FAM163A: variants seen among roughly 807,000 people sequenced by gnomAD.
FAM163A encodes protein FAM163A.
A neutral mutation model predicts 12.0 loss-of-function variants in FAM163A; 7 were observed. That is an observed-to-expected ratio of 0.58 (90% CI 0.33 to 1.10). The LOEUF (loss-of-function observed/expected upper bound fraction) is 1.10. FAM163A is among the 50% of genes least tolerant of loss of function. FAM163A has a pLI of 0.03. For missense variants in FAM163A, 202 were observed against 218.6 expected (o/e 0.92, Z 0.48); for synonymous variants, 101 against 91.0 (o/e 1.11, Z -0.62).
chr1:179,749,591 C>T (rs1684979100), intron 1 of FAM163A, among the ~76,000 whole-genome samples: 1 of 152,196 alleles, frequency 6.6e-6, no homozygotes. Flanking sequence ...GTGGCCTACG[C>T]CTATAATCCC....
intron 3 of FAM163A, among the ~76,000 whole-genome samples, chr1:179,812,485 T>C (rs1409469182): frequency 6.6e-6 from 1 of 152,006 alleles, no homozygotes; most frequent in Non-Finnish European, 1.5e-5. Flanking sequence ...AGCCACCTGG[T>C]GTTTTCGAGA....
chr1:179,762,386 C>T (rs561485886), intron 1 of FAM163A, among the ~76,000 whole-genome samples: 2 of 152,206 alleles, frequency 1.3e-5, no homozygotes, highest in South Asian at 2.1e-4. Context: ...AGTCCTGTCA[C>T]GGTTTGGGAG....
chr1:179,745,743 A>G (rs1456855592), intron 1 of FAM163A, among the ~76,000 whole-genome samples: 2 of 152,194 alleles, frequency 1.3e-5, no homozygotes, highest in Non-Finnish European at 2.9e-5. Flanking sequence ...TTTTCGTGTG[A>G]TGAAACTGAG....
intron 1 of FAM163A, among the ~76,000 whole-genome samples, chr1:179,751,289 T>C (rs1322248187): frequency 6.6e-6 from 1 of 151,678 alleles, no homozygotes; most frequent in East Asian, 1.9e-4. Flanking sequence ...TAGAAGAGGG[T>C]GGTCCTGAAA....
At chr1:179,784,859 C>G (rs1690378164) in intron 1 of FAM163A, among the ~76,000 whole-genome samples, 2 of 152,078 alleles carry the variant, frequency 1.3e-5, no homozygotes, top group Non-Finnish European at 2.9e-5. Flanking sequence ...ACTGACTTAA[C>G]AAGTAACTTT....
chr1:179,783,065 G>A (rs1031775974), intron 1 of FAM163A, among the ~76,000 whole-genome samples: 1 of 151,422 alleles, frequency 6.6e-6, no homozygotes, highest in African/African-American at 2.4e-5. Flanking sequence ...AGAGATAGAG[G>A]TTGCAGTGAG....
intron 3 of FAM163A, 125 bp from the exon 4 acceptor site, chr1:179,812,951 C>A: frequency 2.4e-6 from 2 of 840,008 alleles, no homozygotes; most frequent in Non-Finnish European, 3.7e-6. Flanking sequence ...GGGGCCTGGC[C>A]CTCCCGGCAC....
At chr1:179,746,778 T>G (rs1031077947) in intron 1 of FAM163A, among the ~76,000 whole-genome samples, 1 of 152,184 alleles carries the variant, frequency 6.6e-6, no homozygotes, top group African/African-American at 2.4e-5. Flanking sequence ...CCCTTTTGGT[T>G]GCTTGAGAGG....
At chr1:179,799,928 A>G (rs1480927799) in intron 1 of FAM163A, among the ~76,000 whole-genome samples, 2 of 152,230 alleles carry the variant, frequency 1.3e-5, no homozygotes, top group African/African-American at 4.8e-5. Flanking sequence ...AGGATCAGAA[A>G]AGTCTGGGAG....
intron 1 of FAM163A, among the ~76,000 whole-genome samples, chr1:179,793,923 G>A (rs1691892163): frequency 6.6e-6 from 1 of 152,188 alleles, no homozygotes; most frequent in South Asian, 2.1e-4. Context: ...GACATTATTT[G>A]TGTTATTGCT....
At chr1:179,755,656 C>T (rs1211604422) in intron 1 of FAM163A, among the ~76,000 whole-genome samples, 2 of 152,158 alleles carry the variant, frequency 1.3e-5, no homozygotes, top group East Asian at 1.9e-4. Flanking sequence ...AGAATTGATT[C>T]ATGAAAGATT....
chr1:179,738,970 C>A (rs959683730), upstream of FAM163A, among the ~76,000 whole-genome samples: 1 of 152,116 alleles, frequency 6.6e-6, no homozygotes, highest in African/African-American at 2.4e-5. Flanking sequence ...GAGGGATAGA[C>A]ACATAGATCA....
the FAM163A span, among the ~76,000 whole-genome samples, chr1:179,732,836 G>A: frequency 9.0e-5 from 11 of 121,682 alleles, no homozygotes; most frequent in East Asian, 1.2e-3. Flanking sequence ...AGCTGAGATC[G>A]CACCACTACA....
chr1:179,787,997 G>C (rs1690897277), intron 1 of FAM163A, among the ~76,000 whole-genome samples: 1 of 152,230 alleles, frequency 6.6e-6, no homozygotes, highest in Admixed American at 6.5e-5. Flanking sequence ...CCAGCTCAGA[G>C]ATTCTAGGAG....
chr1:179,785,994 C>G (rs990535963), intron 1 of FAM163A, among the ~76,000 whole-genome samples: 1 of 152,148 alleles, frequency 6.6e-6, no homozygotes, highest in African/African-American at 2.4e-5. Context: ...AGTGGAATTG[C>G]TGAGCCCTTG....
intron 1 of FAM163A, among the ~76,000 whole-genome samples, chr1:179,784,238 C>A (rs1238271927): frequency 6.6e-6 from 1 of 152,228 alleles, no homozygotes; most frequent in African/African-American, 2.4e-5. Flanking sequence ...AACCTGGCCA[C>A]AGCTCAACTT....
chr1:179,729,812 A>AT, the FAM163A span, among the ~76,000 whole-genome samples: 981 of 152,062 alleles, frequency 6.5e-3, 12 homozygotes, highest in African/African-American at 0.022. Context: ...CATCATTTGT[A>AT]TTTTTTTTAA....
intron 1 of FAM163A, among the ~76,000 whole-genome samples, chr1:179,759,964 G>A (rs531369824): frequency 2.0e-5 from 3 of 152,236 alleles, no homozygotes; most frequent in Admixed American, 6.5e-5. Flanking sequence ...ACCACGCCCC[G>A]CCTGATTTTT....
At chr1:179,795,199 C>T (rs1226014216) in intron 1 of FAM163A, among the ~76,000 whole-genome samples, 1 of 152,186 alleles carries the variant, frequency 6.6e-6, no homozygotes, top group African/African-American at 2.4e-5. Flanking sequence ...GGCATGATGG[C>T]TCATGCCTAT....
Sources: gnomAD v4.1 joint callset for allele counts (sites outside exome capture counted in the v4.1 genomes callset) on GRCh38, gnomAD v4.1.1 for gene constraint, MANE v1.5 for transcripts, NCBI Gene and HGNC (gene_info 2026-07-23, HGNC 2026-07-21) for gene names.